The following MYOF variants were observed in gnomAD, a reference collection of about 807,000 sequenced individuals.
The protein encoded by MYOF is myoferlin.
In MYOF, 244 loss-of-function variants were observed where a neutral mutation model predicts 284.2. That is an observed-to-expected ratio of 0.86 (90% CI 0.77 to 0.95). The LOEUF (loss-of-function observed/expected upper bound fraction) is 0.95, where lower values mean the gene tolerates loss of function less well. Among genes scored for constraint, MYOF ranks in the 40% least tolerant of loss-of-function variants. The probability of loss-of-function intolerance (pLI) is 0.00; values close to 1 mark genes in which losing one functional copy is unlikely to be tolerated. For synonymous variants in MYOF, 904 were observed against 919.7 expected (o/e 0.98, Z 0.31); for missense variants, 2,496 against 2,560.6 (o/e 0.97, Z 0.54).
intron 2 of MYOF, among the ~76,000 whole-genome samples, chr10:93,452,770 A>G (rs1355991835): frequency 3.3e-5 from 5 of 152,328 alleles, no homozygotes; most frequent in South Asian, 4.1e-4. Flanking sequence ...ATTTTCTTCA[A>G]TGGCTAGTTT....
chr10:93,390,790 C>T (rs1311661518), intron 17 of MYOF, among the ~76,000 whole-genome samples: 1 of 150,962 alleles, frequency 6.6e-6, no homozygotes, highest in Non-Finnish European at 1.5e-5. Flanking sequence ...TTTTTAGAAG[C>T]TGAATCACAC....
chr10:93,351,995 G>A, intron 32 of MYOF, 149 bp from the exon 33 acceptor site: 1 of 716,786 alleles, frequency 1.4e-6, no homozygotes, highest in Non-Finnish European at 2.2e-6. Flanking sequence ...GGAGCAGGGA[G>A]TTCCCCATGG....
chr10:93,345,082 A>G (rs1844124447), intron 37 of MYOF, among the ~76,000 whole-genome samples: 3 of 152,356 alleles, frequency 2.0e-5, no homozygotes, highest in South Asian at 4.1e-4. Flanking sequence ...ACAGAAGGCC[A>G]GAACCTAGAC....
chr10:93,335,310 A>G (rs1176358159), intron 41 of MYOF, among the ~76,000 whole-genome samples: 1 of 151,354 alleles, frequency 6.6e-6, no homozygotes, highest in Non-Finnish European at 1.5e-5. Flanking sequence ...TGTGAGGGGG[A>G]GGGAGGCAGG....
intron 38 of MYOF, 197 bp from the exon 39 acceptor site, chr10:93,340,361 C>T: frequency 3.6e-6 from 2 of 559,990 alleles, no homozygotes; most frequent in Middle Eastern, 3.4e-4. Context: ...CTGAACCCAC[C>T]TTACTGGTTT....
intron 1 of MYOF, among the ~76,000 whole-genome samples, chr10:93,458,968 A>G (rs2056811484): frequency 6.6e-6 from 1 of 152,246 alleles, no homozygotes; most frequent in Non-Finnish European, 1.5e-5. Flanking sequence ...CAGCATAGCA[A>G]GGCCGTGAGT....
chr10:93,427,768 A>G (rs1848663089), intron 4 of MYOF, among the ~76,000 whole-genome samples: 1 of 152,112 alleles, frequency 6.6e-6, no homozygotes, highest in Admixed American at 6.6e-5. Flanking sequence ...AGAAGGAAAC[A>G]TACTAGTTCC....
At chr10:93,461,657 C>G (rs1055947681) in intron 1 of MYOF, among the ~76,000 whole-genome samples, 1 of 152,082 alleles carries the variant, frequency 6.6e-6, no homozygotes, top group African/African-American at 2.4e-5. Context: ...TATGTCACAT[C>G]TGGGGACACT....
chr10:93,307,431 G>A (rs1287832926), intron 53 of MYOF, among the ~76,000 whole-genome samples: 1 of 151,990 alleles, frequency 6.6e-6, no homozygotes, highest in Non-Finnish European at 1.5e-5. Flanking sequence ...CTCCAGAGCA[G>A]CTGGGACTAC....
chr10:93,344,018 T>C (rs1421244207), intron 37 of MYOF, 86 bp from the exon 38 acceptor site: 2 of 1,411,156 alleles, frequency 1.4e-6, no homozygotes, highest in African/African-American at 1.4e-5. Context: ...TTAACAGCCA[T>C]AGGGTGGATG....
At chr10:93,480,891 C>T (rs1164230322) in intron 1 of MYOF, among the ~76,000 whole-genome samples, 3 of 152,126 alleles carry the variant, frequency 2.0e-5, no homozygotes, top group Non-Finnish European at 4.4e-5. Context: ...ATAGATGCCT[C>T]AGGAACTGAC....
chr10:93,367,818 G>A lies in MYOF; in HGVS notation c.2590-1263C>T, dbSNP rs1845394149. Among the ~76,000 whole-genome samples, 3 of 152,124 alleles carry A rather than the reference G, an allele frequency of 2.0e-5. No individual in the cohort carries two copies. In the South Asian group the frequency reaches 6.3e-4, roughly 32 times the overall value. The stretch of plus-strand genomic sequence containing the variant: ...TCATAGACTCCCAGAAATCTCGGGG[G>A]TGGGGGGGAATTTTGTAGAAAATTA... On this transcript the variant is annotated intron_variant, in intron 25 of 53. Transcript: ENST00000359263.
At position 93,378,713 on chromosome 10, in the gene MYOF, A is replaced by ATATATATATATATG. The variant is rs1338159505; in HGVS notation, c.2001+1149_2001+1150insCATATATATATATA. ...TGTGTGTATATATATATATATATAT[A>ATATATATATATATG]TATGTATATATTTATCTTTTTAGAC... On this transcript the variant is annotated intron_variant, in intron 21 of 53. Transcript: ENST00000359263. Among the ~76,000 whole-genome samples, 147 of 124,696 alleles carry ATATATATATATATG rather than the reference A, an allele frequency of 1.2e-3. 5 individuals are homozygous for ATATATATATATATG. Among genetic ancestry groups the ATATATATATATATG allele is most frequent in the East Asian group, 2.0e-3 (7 of 3,476 alleles). The allele number at this position is 124,696 out of a possible 152,430, so 81.8% of individuals were successfully genotyped here.
Position 93,401,458 on chromosome 10 carries a change from G to C in MYOF, c.1077C>G (p.Thr359=), listed in dbSNP as rs1312027438. ...LPAGIALRWV[T]FLLKIYRAED... ...CAGCTCGGTAGATTTTCAGCAAGAA[G>C]GTCACCCACCGGAGGGCAATGCCAG... The change falls in exon 12 of 54, where the codon ACC becomes ACG. Residue 359 remains threonine (T), a synonymous_variant. Transcript: ENST00000359263. 6.2e-7 allele frequency: 1 copy of C among 1,614,112 alleles called. No homozygotes were observed. The highest frequency in any genetic ancestry group is 8.5e-7 in the Non-Finnish European group (1 of 1,180,020).
intron 43 of MYOF, among the ~76,000 whole-genome samples, chr10:93,331,197 G>A (rs1318196450): frequency 1.4e-4 from 21 of 152,058 alleles, no homozygotes; most frequent in Admixed American, 1.2e-3. Flanking sequence ...TAACGGCCAC[G>A]CACATAGGAA....
In MYOF at chr10:93,404,152, C is replaced by G. The variant is rs1230564727; in HGVS notation, c.792+5G>C. 1 of 1,614,144 alleles carries G rather than the reference C, an allele frequency of 6.2e-7. No homozygotes were observed. Among genetic ancestry groups the G allele is most frequent in the East Asian group, 2.2e-5 (1 of 44,884 alleles). On this transcript the variant is annotated splice_donor_5th_base_variant and intron_variant, in intron 8 of 53. Coordinates refer to ENST00000359263, the MANE Select transcript of MYOF (RefSeq NM_013451.4). ...AGCAGTACCTTCCTACTTGCTGACC[C>G]TTACCCGGATGCTGATGATCTCATC...
Position 93,406,590 on chromosome 10 carries a change from A to G in MYOF, c.729+2197T>C, listed in dbSNP as rs190819682. Among the ~76,000 whole-genome samples the G allele has an allele frequency of 6.0e-5, 9 of 150,822 alleles. No individual in the cohort carries two copies. In the East Asian group the frequency reaches 1.2e-3, roughly 20 times the overall value. Reference sequence around the variant, plus strand: ...CCCACCCATCCAGTCTTGCCCTCCAACGTGAATCTCTCTGCCTTCCCTGAA... The same window carrying G: ...CCCACCCATCCAGTCTTGCCCTCCAGCGTGAATCTCTCTGCCTTCCCTGAA... On this transcript the variant is annotated intron_variant, in intron 7 of 53. Coordinates refer to ENST00000359263, the MANE Select transcript of MYOF (RefSeq NM_013451.4).
At chr10:93,408,969 T>C (rs1847767380) in intron 6 of MYOF, 54 bp from the exon 7 acceptor site, 1 of 1,608,270 alleles carries the variant, frequency 6.2e-7, no homozygotes, top group South Asian at 1.1e-5. Flanking sequence ...GTGGGATCCT[T>C]AGGATCCTCA....
At position 93,379,787 on chromosome 10, in the gene MYOF, T is replaced by C. The variant is rs567899497; in HGVS notation, c.2001+76A>G. The stretch of plus-strand genomic sequence containing the variant: ...CTGTACTAAGCACTTTCTTGTGTTA[T>C]AGTGGCCTGGCCTCCATCCTAATAC... On this transcript the variant is annotated intron_variant, in intron 21 of 53. Coordinates refer to ENST00000359263, the MANE Select transcript of MYOF (RefSeq NM_013451.4). The C allele has an allele frequency of 1.6e-5, 25 of 1,569,198 alleles. No individual in the cohort carries two copies. In the Admixed American group the frequency reaches 3.6e-4, roughly 23 times the overall value.
Sources: gnomAD v4.1 joint callset for allele counts (sites outside exome capture counted in the v4.1 genomes callset) on GRCh38, gnomAD v4.1.1 for gene constraint, MANE v1.5 for transcripts, NCBI Gene and HGNC (gene_info 2026-07-23, HGNC 2026-07-21) for gene names.